The following BAIAP2L1 variants were observed in gnomAD, a reference collection of about 807,000 sequenced individuals.
BAIAP2L1 encodes the protein BAR/IMD domain-containing adapter protein 2-like 1.
In BAIAP2L1, 35 loss-of-function variants were observed where a neutral mutation model predicts 66.3. The ratio of observed to expected loss-of-function variants is 0.53; its 90% CI spans 0.40 to 0.70. The LOEUF (loss-of-function observed/expected upper bound fraction) is 0.70. Ranked by LOEUF, BAIAP2L1 falls within the 30% of genes least tolerant of loss-of-function variation. The pLI is 0.00. For missense variants in BAIAP2L1, 622 were observed against 656.9 expected, an observed-to-expected ratio of 0.95 and a Z score of 0.58; for synonymous variants, 269 against 248.7, an observed-to-expected ratio of 1.08 and a Z score of -0.77.
intron 3 of BAIAP2L1, among the ~76,000 whole-genome samples, chr7:98,322,427 C>T (rs980251381): frequency 2.0e-5 from 3 of 152,166 alleles, no homozygotes; most frequent in African/African-American, 7.2e-5. Flanking sequence ...CTAATTCCAG[C>T]TCTCAGCTGC....
chr7:98,351,013 T>C (rs1418002252), intron 3 of BAIAP2L1, among the ~76,000 whole-genome samples: 4 of 152,044 alleles, frequency 2.6e-5, no homozygotes, highest in Non-Finnish European at 4.4e-5. Flanking sequence ...TGCGCCACCA[T>C]GCCTGGCTAA....
At chr7:98,362,780 A>C (rs1802300764) in intron 1 of BAIAP2L1, among the ~76,000 whole-genome samples, 1 of 152,142 alleles carries the variant, frequency 6.6e-6, no homozygotes, top group African/African-American at 2.4e-5. Flanking sequence ...AATGGTTCTC[A>C]TTCTAGTGTT....
intron 12 of BAIAP2L1, among the ~76,000 whole-genome samples, chr7:98,303,948 G>T (rs113515586): frequency 2.6e-5 from 4 of 152,360 alleles, no homozygotes; most frequent in African/African-American, 9.6e-5. Context: ...AGGCGACTGT[G>T]TGTAAACTCT....
At chr7:98,315,638 A>AATAATAATT in intron 6 of BAIAP2L1, 26 bp from the exon 7 acceptor site, 1 of 1,090,338 alleles carries the variant, frequency 9.2e-7, no homozygotes, top group Non-Finnish European at 1.2e-6. Flanking sequence ...TAATAATAAT[A>AATAATAATT]ATAATTATAT....
chr7:98,322,683 C>T (rs1430850757), intron 3 of BAIAP2L1, among the ~76,000 whole-genome samples: 2 of 152,174 alleles, frequency 1.3e-5, no homozygotes, highest in Non-Finnish European at 2.9e-5. Context: ...ACTCACGTCC[C>T]ACCACGTGGG....
At chr7:98,296,995 C>T (rs1340933879) in intron 12 of BAIAP2L1, among the ~76,000 whole-genome samples, 1 of 152,238 alleles carries the variant, frequency 6.6e-6, no homozygotes, top group Non-Finnish European at 1.5e-5. Context: ...CTCCAAGCCA[C>T]AGGCAGCACT....
chr7:98,357,427 C>T (rs1362069005), intron 2 of BAIAP2L1, among the ~76,000 whole-genome samples: 1 of 150,924 alleles, frequency 6.6e-6, no homozygotes, highest in Non-Finnish European at 1.5e-5. Flanking sequence ...ATTAGCCGGG[C>T]ATGGTGGCAC....
chr7:98,336,822 A>C (rs1226453835), intron 3 of BAIAP2L1, among the ~76,000 whole-genome samples: 2 of 152,140 alleles, frequency 1.3e-5, no homozygotes, highest in African/African-American at 2.4e-5. Context: ...GGAAAGGCCT[A>C]AGGTTGAGTG....
At chr7:98,331,278 C>T (rs577341316) in intron 3 of BAIAP2L1, among the ~76,000 whole-genome samples, 1 of 151,898 alleles carries the variant, frequency 6.6e-6, no homozygotes, top group South Asian at 2.1e-4. Context: ...ATGGAAATAC[C>T]AGGAGAAAAA....
intron 2 of BAIAP2L1, among the ~76,000 whole-genome samples, chr7:98,359,788 C>T (rs1316835160): frequency 1.6e-5 from 2 of 126,892 alleles, no homozygotes; most frequent in Non-Finnish European, 1.6e-5. Flanking sequence ...GAGACAGGGT[C>T]TTGCTCTGTC....
At chr7:98,324,641 A>T (rs1416890430) in intron 3 of BAIAP2L1, among the ~76,000 whole-genome samples, 1 of 152,132 alleles carries the variant, frequency 6.6e-6, no homozygotes, top group Non-Finnish European at 1.5e-5. Flanking sequence ...TGAGGCCAGG[A>T]GTTCAAGACC....
rs186951385 is a variant in BAIAP2L1 at position 98,305,947 on chromosome 7, G to A, written c.1241+492C>T. 9.2e-5 allele frequency among the ~76,000 whole-genome samples: 14 copies of A among 152,296 alleles called. No homozygotes were observed. In the East Asian group the frequency reaches 2.3e-3, roughly 25 times the overall value. The stretch of plus-strand genomic sequence containing the variant: ...TGAGATGGCCCAGCACAGGCAGGAA[G>A]GATGGACCCAGGGTGACTCCCAAGA... On this transcript the variant is annotated intron_variant, in intron 11 of 13. Transcript: ENST00000005260.
At chr7:98,371,581 GAATA>G (rs1456224537) in intron 1 of BAIAP2L1, among the ~76,000 whole-genome samples, 1 of 152,126 alleles carries the variant, frequency 6.6e-6, no homozygotes, top group African/African-American at 2.4e-5. Flanking sequence ...TATGAATTAA[GAATA>G]ATTATGAGAA....
chr7:98,306,775 A>G, intron 10 of BAIAP2L1: 1 of 471,944 alleles, frequency 2.1e-6, no homozygotes. Flanking sequence ...TGGTGCGATC[A>G]TAGCTCACAG....
intron 1 of BAIAP2L1, chr7:98,386,259 C>T: frequency 3.1e-6 from 5 of 1,592,062 alleles, no homozygotes; most frequent in Middle Eastern, 1.7e-4. Context: ...CCATGGAACA[C>T]ATTTTGTCAC....
intron 1 of BAIAP2L1, among the ~76,000 whole-genome samples, chr7:98,378,812 G>A (rs1206331906): frequency 1.3e-5 from 2 of 151,574 alleles, no homozygotes; most frequent in Non-Finnish European, 2.9e-5. Flanking sequence ...TCAGCACTTT[G>A]GGAGGCCAAG....
chr7:98,319,252 G>A (rs1348231381), intron 5 of BAIAP2L1, among the ~76,000 whole-genome samples: 1 of 152,140 alleles, frequency 6.6e-6, no homozygotes, highest in Admixed American at 6.5e-5. Flanking sequence ...CCTCAATACC[G>A]GGTCTGTAGG....
intron 7 of BAIAP2L1, 37 bp from the exon 8 acceptor site, chr7:98,312,301 G>A (rs758602680): frequency 6.4e-7 from 1 of 1,567,164 alleles, no homozygotes; most frequent in Non-Finnish European, 8.6e-7. Flanking sequence ...AGACAAAGAA[G>A]ATTGTCTGAA....
chr7:98,353,315 C>G (rs1393208283), intron 3 of BAIAP2L1, among the ~76,000 whole-genome samples: 1 of 139,910 alleles, frequency 7.1e-6, no homozygotes, highest in Non-Finnish European at 1.5e-5. Context: ...ACAGAGAGAC[C>G]CCCTAAAATA....
Sources: gnomAD v4.1 joint callset for allele counts (sites outside exome capture counted in the v4.1 genomes callset) on GRCh38, gnomAD v4.1.1 for gene constraint, MANE v1.5 for transcripts, NCBI Gene and HGNC (gene_info 2026-07-23, HGNC 2026-07-21) for gene names.